HS3ST4: variants seen among roughly 807,000 people sequenced by gnomAD.
The protein encoded by HS3ST4 is heparan sulfate glucosamine 3-O-sulfotransferase 4.
In HS3ST4, 17 loss-of-function variants were observed where a neutral mutation model predicts 29.2. That is an observed-to-expected ratio of 0.58 (90% CI 0.40 to 0.87). The LOEUF is 0.87. HS3ST4 is among the 40% of genes least tolerant of loss of function. The pLI, the probability that HS3ST4 is intolerant of heterozygous loss-of-function variation, is 0.00. For synonymous variants in HS3ST4, 314 were observed against 285.7 expected, an observed-to-expected ratio of 1.10 and a Z score of -1.00; for missense variants, 627 against 634.5, an observed-to-expected ratio of 0.99 and a Z score of 0.13.
chr16:26,069,133 G>T (rs1384137233), intron 1 of HS3ST4, among the ~76,000 whole-genome samples: 1 of 152,112 alleles, frequency 6.6e-6, no homozygotes, highest in African/African-American at 2.4e-5. Context: ...TGCATTTTTT[G>T]TAGAGACAGA....
chr16:26,079,718 G>A (rs1429198701), intron 1 of HS3ST4, among the ~76,000 whole-genome samples: 1 of 152,204 alleles, frequency 6.6e-6, no homozygotes, highest in African/African-American at 2.4e-5. Context: ...TATAGGCAAA[G>A]CCATTCACAT....
At chr16:26,090,372 C>T (rs560561094) in intron 1 of HS3ST4, among the ~76,000 whole-genome samples, 1 of 151,964 alleles carries the variant, frequency 6.6e-6, no homozygotes, top group Non-Finnish European at 1.5e-5. Context: ...AGCTGTTGTC[C>T]ACGTTGGCCC....
intron 1 of HS3ST4, among the ~76,000 whole-genome samples, chr16:26,102,010 ATTGT>A (rs796797226): frequency 1.1e-4 from 17 of 152,098 alleles, no homozygotes; most frequent in Non-Finnish European, 2.2e-4. Context: ...AATGCACTAC[ATTGT>A]TTGTTTGTTT....
intron 1 of HS3ST4, among the ~76,000 whole-genome samples, chr16:25,737,248 T>G (rs1966615816): frequency 6.6e-6 from 1 of 152,210 alleles, no homozygotes; most frequent in Non-Finnish European, 1.5e-5. Flanking sequence ...ATGTGCATGC[T>G]CAGGCGATGA....
At chr16:25,935,182 C>T (rs1191603218) in intron 1 of HS3ST4, among the ~76,000 whole-genome samples, 1 of 152,136 alleles carries the variant, frequency 6.6e-6, no homozygotes, top group East Asian at 1.9e-4. Context: ...TCAATTAAAC[C>T]TCTTTCCTTG....
chr16:25,822,305 C>T (rs1967166075), intron 1 of HS3ST4, among the ~76,000 whole-genome samples: 1 of 152,124 alleles, frequency 6.6e-6, no homozygotes, highest in Non-Finnish European at 1.5e-5. Context: ...TCTTGAGCCT[C>T]TTTTAGAAGA....
chr16:25,786,542 A>G (rs1469113208), intron 1 of HS3ST4, among the ~76,000 whole-genome samples: 1 of 152,214 alleles, frequency 6.6e-6, no homozygotes, highest in Non-Finnish European at 1.5e-5. Context: ...TGACCTCTGG[A>G]TGACAGAGGA....
rs1039823842 is a variant in HS3ST4 at position 25,941,921 on chromosome 16, T to C, written c.735-193691T>C. Among the ~76,000 whole-genome samples, 18 of 152,210 alleles carry C rather than the reference T, an allele frequency of 1.2e-4. 1 individual carries two copies. The highest frequency in any genetic ancestry group is 1.9e-4 in the Non-Finnish European group (13 of 68,038). On this transcript the variant is annotated intron_variant, in intron 1 of 1. Transcript: ENST00000331351. ...CCCAGAACTAGAATAGAATTCTGTG[T>C]GGGCAGGATCTTTGTCTGATTGTCC...
chr16:26,075,063 C>T (rs748179168), intron 1 of HS3ST4, among the ~76,000 whole-genome samples: 3 of 152,086 alleles, frequency 2.0e-5, no homozygotes, highest in Non-Finnish European at 4.4e-5. Flanking sequence ...CGTGGTGGTA[C>T]GCGCCTGTAG....
chr16:25,916,237 T>C lies in HS3ST4; in HGVS notation c.735-219375T>C, dbSNP rs114987317. Reference sequence around the variant, plus strand: ...GGCTCCAGAGCTCAGGTTATTCAACTACGTCATGCTCTGCACTGAAGATGT... The same window carrying C: ...GGCTCCAGAGCTCAGGTTATTCAACCACGTCATGCTCTGCACTGAAGATGT... On this transcript the variant is annotated intron_variant, in intron 1 of 1. Transcript: ENST00000331351. Among the ~76,000 whole-genome samples the C allele has an allele frequency of 4.4e-3, 674 of 152,296 alleles. 2 individuals are homozygous for C. The highest frequency in any genetic ancestry group is 0.015 in the African/African-American group (644 of 41,566).
At chr16:26,042,028 T>A (rs73514528) in intron 1 of HS3ST4, among the ~76,000 whole-genome samples, 2,530 of 152,294 alleles carry the variant, frequency 0.017, 67 homozygotes, top group African/African-American at 0.056. Flanking sequence ...GATCTACTGA[T>A]GCATAATTGT....
intron 1 of HS3ST4, among the ~76,000 whole-genome samples, chr16:25,884,835 G>A (rs985488479): frequency 1.3e-5 from 2 of 152,168 alleles, no homozygotes; most frequent in African/African-American, 4.8e-5. Flanking sequence ...AAAACTGCTA[G>A]GATTGTTAGG....
intron 1 of HS3ST4, among the ~76,000 whole-genome samples, chr16:25,843,425 C>T (rs745653434): frequency 3.3e-5 from 5 of 152,192 alleles, no homozygotes; most frequent in Non-Finnish European, 5.9e-5. Flanking sequence ...TGTAAGCCTT[C>T]CTGACCTAGT....
chr16:25,719,222 T>A (rs1966477100), intron 1 of HS3ST4, among the ~76,000 whole-genome samples: 1 of 152,190 alleles, frequency 6.6e-6, no homozygotes, highest in African/African-American at 2.4e-5. Flanking sequence ...TCTCAGGAAG[T>A]TGCTGGGGCA....
intron 1 of HS3ST4, among the ~76,000 whole-genome samples, chr16:25,745,920 G>A (rs1488515837): frequency 6.6e-6 from 1 of 152,128 alleles, no homozygotes; most frequent in Non-Finnish European, 1.5e-5. Flanking sequence ...CAGATGTTAC[G>A]TTTGGCAAAT....
At chr16:25,703,016 G>T (rs1455577592) in intron 1 of HS3ST4, among the ~76,000 whole-genome samples, 1 of 151,888 alleles carries the variant, frequency 6.6e-6, no homozygotes, top group Non-Finnish European at 1.5e-5. Context: ...AAAATTAGCC[G>T]GGCATGGTGA....
At chr16:26,047,236 G>A (rs1898282443) in intron 1 of HS3ST4, among the ~76,000 whole-genome samples, 1 of 152,182 alleles carries the variant, frequency 6.6e-6, no homozygotes, top group Non-Finnish European at 1.5e-5. Flanking sequence ...CTGGCACAGG[G>A]TACTCATCTC....
chr16:25,968,252 G>A (rs1359319333), intron 1 of HS3ST4, among the ~76,000 whole-genome samples: 4 of 152,194 alleles, frequency 2.6e-5, no homozygotes, highest in African/African-American at 9.6e-5. Flanking sequence ...CATCATGCCA[G>A]CAAATGTGGC....
chr16:26,032,522 T>C (rs1969540821), intron 1 of HS3ST4: 1 of 1,395,926 alleles, frequency 7.2e-7, no homozygotes, highest in Non-Finnish European at 1.0e-6. Flanking sequence ...TACACAGTTA[T>C]CAAAAATGCA....
Sources: gnomAD v4.1 joint callset for allele counts (sites outside exome capture counted in the v4.1 genomes callset) on GRCh38, gnomAD v4.1.1 for gene constraint, MANE v1.5 for transcripts, NCBI Gene and HGNC (gene_info 2026-07-23, HGNC 2026-07-21) for gene names.